The following ARHGEF28 variants were observed in gnomAD, a reference collection of about 807,000 sequenced individuals.
The protein encoded by ARHGEF28 is Rho guanine nucleotide exchange factor 28.
A neutral mutation model predicts 206.6 loss-of-function variants in ARHGEF28; 152 were observed. The ratio of observed to expected loss-of-function variants is 0.74; its 90% CI spans 0.64 to 0.84. The LOEUF (loss-of-function observed/expected upper bound fraction) is 0.84. Among genes scored for constraint, ARHGEF28 ranks in the 40% least tolerant of loss-of-function variants. ARHGEF28 has a pLI of 0.00. For missense variants in ARHGEF28, 2,028 were observed against 2,073.2 expected, an observed-to-expected ratio of 0.98 and a Z score of 0.42; for synonymous variants, 763 against 776.4, an observed-to-expected ratio of 0.98 and a Z score of 0.29.
At chr5:73,683,127 GT>G (rs760573128) in intron 1 of ARHGEF28, among the ~76,000 whole-genome samples, 1 of 151,174 alleles carries the variant, frequency 6.6e-6, no homozygotes, top group South Asian at 2.1e-4. Context: ...GGTTTTTTTT[GT>G]TTTTTTTCTA....
chr5:73,686,210 T>TA (rs770729145), intron 2 of ARHGEF28, among the ~76,000 whole-genome samples: 333 of 151,914 alleles, frequency 2.2e-3, no homozygotes, highest in Non-Finnish European at 3.5e-3. Context: ...GATTAAAGAT[T>TA]AAAAAAAAGG....
intron 1 of ARHGEF28, among the ~76,000 whole-genome samples, chr5:73,653,831 C>T (rs138068300): frequency 5.9e-5 from 9 of 152,170 alleles, no homozygotes; most frequent in Admixed American, 2.0e-4. Context: ...TGTTCCCCCC[C>T]GTCATGGCAC....
chr5:73,683,383 C>A (rs1298415023), intron 1 of ARHGEF28, among the ~76,000 whole-genome samples: 1 of 151,862 alleles, frequency 6.6e-6, no homozygotes, highest in Non-Finnish European at 1.5e-5. Context: ...AACTACCAAT[C>A]ATTTTTTTTT....
intron 20 of ARHGEF28, among the ~76,000 whole-genome samples, chr5:73,868,793 C>T (rs777078079): frequency 1.4e-4 from 21 of 152,114 alleles, no homozygotes; most frequent in East Asian, 1.9e-4. Flanking sequence ...AGTACAGGTG[C>T]GCATCACCAC....
chr5:73,716,770 G>A (rs1235355031), intron 2 of ARHGEF28, among the ~76,000 whole-genome samples: 1 of 152,110 alleles, frequency 6.6e-6, no homozygotes, highest in East Asian at 1.9e-4. Context: ...TTGATGGCTT[G>A]GAGAAAATGT....
intron 4 of ARHGEF28, among the ~76,000 whole-genome samples, chr5:73,758,309 G>T (rs184407458): frequency 4.5e-4 from 68 of 152,200 alleles, no homozygotes; most frequent in African/African-American, 1.5e-3. Flanking sequence ...GTCATATAAA[G>T]AATATTTCTC....
At chr5:73,791,434 T>A (rs1326591089) in intron 7 of ARHGEF28, among the ~76,000 whole-genome samples, 1 of 152,194 alleles carries the variant, frequency 6.6e-6, no homozygotes, top group African/African-American at 2.4e-5. Flanking sequence ...GACACTACCC[T>A]GTAGATGTAA....
chr5:73,885,169 C>T (rs1412483175), intron 24 of ARHGEF28, among the ~76,000 whole-genome samples: 1 of 152,088 alleles, frequency 6.6e-6, no homozygotes, highest in Non-Finnish European at 1.5e-5. Context: ...TCACATAACC[C>T]TGTGGCTCTG....
chr5:73,938,367 A>G (rs1478912292), intron 35 of ARHGEF28, among the ~76,000 whole-genome samples: 1 of 152,102 alleles, frequency 6.6e-6, no homozygotes, highest in Non-Finnish European at 1.5e-5. Flanking sequence ...TCAAAATATC[A>G]CTATTTTGAA....
intron 4 of ARHGEF28, among the ~76,000 whole-genome samples, chr5:73,759,958 A>G (rs1303362484): frequency 6.6e-6 from 1 of 152,200 alleles, no homozygotes; most frequent in Non-Finnish European, 1.5e-5. Flanking sequence ...GTAGGAAGCA[A>G]GATTTGTTTA....
At chr5:73,901,152 T>G (rs1044080442) in intron 30 of ARHGEF28, 32 bp from the exon 31 acceptor site, 4 of 1,593,816 alleles carry the variant, frequency 2.5e-6, no homozygotes, top group Non-Finnish European at 2.6e-6. Context: ...GACGCTGTCC[T>G]TTTTGTTTCT....
intron 3 of ARHGEF28, among the ~76,000 whole-genome samples, chr5:73,750,957 A>G (rs1751990479): frequency 2.0e-5 from 3 of 152,230 alleles, no homozygotes; most frequent in African/African-American, 7.2e-5. Context: ...CAACACAGAC[A>G]CAGTGAGAAT....
Position 73,753,001 on chromosome 5 carries a change from G to A in ARHGEF28, c.274G>A (p.Val92Met), listed in dbSNP as rs767537768. 19 of 1,613,480 alleles carry A rather than the reference G, an allele frequency of 1.2e-5. No homozygotes were observed. The highest frequency in any genetic ancestry group is 4.5e-5 in the East Asian group (2 of 44,876). ...CATGGGCTCTGGCTCAGTGACCTAC[G>A]TGGACAACATGGCTTGCAGGCTGGC... ...VTMGSGSVTYVDNMACRLARL... is the reference protein window; with the variant it reads ...VTMGSGSVTYMDNMACRLARL... Residue 92 changes from valine to methionine, a missense_variant, in exon 4 of 36, where the codon GTG becomes ATG. Transcript: ENST00000513042.
chr5:73,940,202 G>T (rs1742510745), intron 35 of ARHGEF28, among the ~76,000 whole-genome samples: 1 of 152,160 alleles, frequency 6.6e-6, no homozygotes, highest in Non-Finnish European at 1.5e-5. Flanking sequence ...CAGAAAAAGG[G>T]AGAATACACA....
At chr5:73,892,379 G>T in intron 27 of ARHGEF28, 149 bp downstream of exon 27, 1 of 819,780 alleles carries the variant, frequency 1.2e-6, no homozygotes, top group Non-Finnish European at 1.9e-6. Flanking sequence ...CCCCCCATCT[G>T]CAGCTTTCTC....
At chr5:73,887,039 G>A (rs1196558064) in intron 25 of ARHGEF28, among the ~76,000 whole-genome samples, 1 of 152,154 alleles carries the variant, frequency 6.6e-6, no homozygotes, top group African/African-American at 2.4e-5. Context: ...TAGCAATGTT[G>A]TATTGAAAAA....
intron 1 of ARHGEF28, among the ~76,000 whole-genome samples, chr5:73,655,462 A>C (rs1246046218): frequency 6.6e-6 from 1 of 152,234 alleles, no homozygotes; most frequent in East Asian, 1.9e-4. Flanking sequence ...GGCCCATGCA[A>C]GAGAACTCCT....
Position 73,780,691 on chromosome 5 carries a change from G to A in ARHGEF28, c.856G>A (p.Ala286Thr), listed in dbSNP as rs1351345236. Reference protein sequence around the residue: ...AFLVKAFEPEARPEERTAMPS... With the variant: ...AFLVKAFEPETRPEERTAMPS... ...TGTTTCCTAGGCCTTTGAGCCAGAA[G>A]CCAGGCCAGAGGAAAGAACAGCTAT... Residue 286 changes from alanine (A) to threonine (T), a missense_variant, in exon 7 of 36, where the codon GCC (alanine) becomes ACC (threonine). Coordinates refer to ENST00000513042, the MANE Select transcript of ARHGEF28 (RefSeq NM_001177693.2). 2 of 1,555,984 alleles carry A rather than the reference G, an allele frequency of 1.3e-6. No homozygotes were observed. Among genetic ancestry groups the A allele is most frequent in the Non-Finnish European group, 1.7e-6 (2 of 1,149,648 alleles).
chr5:73,860,395 G>A lies in ARHGEF28; in HGVS notation c.2047+2176G>A, dbSNP rs186617627. On this transcript the variant is annotated intron_variant, in intron 16 of 35. Transcript: ENST00000513042. ...AAGACTGTGGCAGGCACAGGGGCTC[G>A]TAGGGAGACCATATGTGGGAATCAT... Among the ~76,000 whole-genome samples, 428 of 152,236 alleles carry A rather than the reference G, an allele frequency of 2.8e-3. 1 individual carries two copies. Among genetic ancestry groups the A allele is most frequent in the Non-Finnish European group, 5.0e-3 (340 of 68,012 alleles).
Sources: allele counts gnomAD v4.1 joint callset (sites outside exome capture counted in the v4.1 genomes callset), GRCh38; gene constraint gnomAD v4.1.1; transcripts MANE v1.5; gene names NCBI Gene and HGNC (gene_info 2026-07-23, HGNC 2026-07-21).